CFAP54: variants seen among roughly 807,000 people sequenced by gnomAD.
CFAP54 encodes the protein cilia and flagella associated protein 54, also known as cilia- and flagella-associated protein 54.
A neutral mutation model predicts 370.4 loss-of-function variants in CFAP54; 290 were observed. That is an observed-to-expected ratio of 0.78 (90% confidence interval 0.71 to 0.86). CFAP54 has a LOEUF of 0.86. CFAP54 is among the 40% of genes least tolerant of loss of function. The probability of loss-of-function intolerance (pLI) is 0.00; values close to 1 mark genes in which losing one functional copy is unlikely to be tolerated. For missense variants in CFAP54, 3,399 were observed against 3,528.7 expected (o/e 0.96, Z 0.93); for synonymous variants, 1,206 against 1,236.5 (o/e 0.98, Z 0.52).
intron 63 of CFAP54, among the ~76,000 whole-genome samples, chr12:96,804,269 G>C (rs1199360073): frequency 2.0e-5 from 3 of 152,124 alleles, no homozygotes; most frequent in Non-Finnish European, 2.9e-5. Context: ...ATTTAAGATA[G>C]TACTGGAATT....
intron 19 of CFAP54, among the ~76,000 whole-genome samples, chr12:96,571,930 T>C (rs1473188595): frequency 1.3e-5 from 2 of 152,370 alleles, no homozygotes; most frequent in East Asian, 3.9e-4. Context: ...AATCAAGGGC[T>C]TTGTTATAAA....
intron 15 of CFAP54, among the ~76,000 whole-genome samples, chr12:96,552,535 C>T (rs774839408): frequency 1.3e-5 from 2 of 151,916 alleles, no homozygotes; most frequent in Admixed American, 1.3e-4. Context: ...GGTAGGGACA[C>T]GGTTTCACGG....
rs1957476923 is a variant in CFAP54 at position 96,700,172 on chromosome 12, A to T, written c.6474+79A>T. 5.6e-6 allele frequency: 8 copies of T among 1,426,206 alleles called. No homozygotes were observed. In the Admixed American group the frequency reaches 9.1e-5, roughly 16 times the overall value. 88.3% of individuals were successfully genotyped at this position (1,426,206 alleles called of 1,614,324 possible). ...CTAAAATGTAAGGAACATTCCCACG[A>T]AAGTGTATTTACAATCTCTGGTATT... On this transcript the variant is annotated intron_variant, in intron 46 of 67. Coordinates refer to ENST00000524981, the MANE Select transcript of CFAP54 (RefSeq NM_001306084.2).
rs1958256730 is a variant in CFAP54, at chr12:96,756,337, A to ACATACAAAAG, written c.7841-121_7841-120insCATACAAAAG. Reference sequence around the variant, plus strand: ...CATTGGCTTACCTTCTGGAAGAAATAGACAGACATACAAAAGGACAGCACA... The same window carrying ACATACAAAAG: ...CATTGGCTTACCTTCTGGAAGAAATACATACAAAAGGACAGACATACAAAAGGACAGCACA... On this transcript the variant is annotated intron_variant, in intron 56 of 67. Coordinates refer to ENST00000524981, the MANE Select transcript of CFAP54 (RefSeq NM_001306084.2). 3 of 605,192 alleles carry ACATACAAAAG rather than the reference A, an allele frequency of 5.0e-6. No homozygotes were observed. The South Asian group carries it at 6.8e-5, about 14-fold the overall frequency. The allele number at this position is 605,192 out of a possible 1,614,324, so 37.5% of individuals were successfully genotyped here.
chr12:96,516,312 G>A (rs1004597867), intron 5 of CFAP54, among the ~76,000 whole-genome samples: 1 of 137,802 alleles, frequency 7.3e-6, no homozygotes, highest in Non-Finnish European at 1.5e-5. Flanking sequence ...TGAGACCAGG[G>A]GCAGTGTCAC....
intron 65 of CFAP54, 36 bp downstream of exon 65, chr12:96,817,949 A>G: frequency 7.3e-7 from 1 of 1,370,966 alleles, no homozygotes; most frequent in Non-Finnish European, 9.6e-7. Flanking sequence ...ACATTGCTAT[A>G]GATTATCTTT....
intron 11 of CFAP54, 147 bp from the exon 12 acceptor site, chr12:96,535,368 G>A: frequency 1.6e-6 from 1 of 609,318 alleles, no homozygotes; most frequent in African/African-American, 1.9e-5. Flanking sequence ...TTTTCATATA[G>A]AAGTATTTAA....
intron 50 of CFAP54, among the ~76,000 whole-genome samples, chr12:96,726,521 A>C (rs1012622988): frequency 7.9e-5 from 12 of 152,118 alleles, no homozygotes; most frequent in Admixed American, 2.0e-4. Flanking sequence ...CGGTGGTGAT[A>C]ACCCCTTTAT....
rs539399749 is a variant in CFAP54, at chr12:96,770,474, G to A, written c.8281+5256G>A. Among the ~76,000 whole-genome samples, 8 of 152,318 alleles carry A rather than the reference G, an allele frequency of 5.3e-5. 1 individual carries two copies. The highest frequency in any genetic ancestry group is 6.8e-3 in the Middle Eastern group (2 of 294). On this transcript the variant is annotated intron_variant, in intron 60 of 67. Coordinates refer to ENST00000524981, the MANE Select transcript of CFAP54 (RefSeq NM_001306084.2). ...AGACAGAGTCAACAATGTAAAATAA[G>A]AAACAACAGATGGTTCATGTGAGAG...
rs532024588 is a variant in CFAP54 at position 96,681,811 on chromosome 12, C to T, written c.5716+2059C>T. Among the ~76,000 whole-genome samples, 5 of 152,202 alleles carry T rather than the reference C, an allele frequency of 3.3e-5. No homozygotes were observed. The East Asian group carries it at 9.7e-4, about 29-fold the overall frequency. The stretch of plus-strand genomic sequence containing the variant: ...ACGAGGTTTCACCATGTTGGCCAGG[C>T]TGATCTCAAACTCCTGACCTCAGGT... On this transcript the variant is annotated intron_variant, in intron 40 of 67. Transcript: ENST00000524981.
chr12:96,664,029 A>C, intron 39 of CFAP54, 97 bp downstream of exon 39: 1 of 926,704 alleles, frequency 1.1e-6, no homozygotes, highest in Non-Finnish European at 1.7e-6. Context: ...TATGTTTGTA[A>C]AAATGTATTT....
Position 96,811,324 on chromosome 12 carries a change from A to C in CFAP54, c.8851-412A>C, listed in dbSNP as rs77683939. ...TGTGTGGATTGGATAAATGGAGAGAAGAGGAAGGCAACAGCATAAGTGAAC... is the reference window on the plus strand; with the variant it reads ...TGTGTGGATTGGATAAATGGAGAGACGAGGAAGGCAACAGCATAAGTGAAC... On this transcript the variant is annotated intron_variant, in intron 63 of 67. Coordinates refer to ENST00000524981, the MANE Select transcript of CFAP54 (RefSeq NM_001306084.2). 3.7e-3 allele frequency among the ~76,000 whole-genome samples: 564 copies of C among 152,302 alleles called. 3 individuals are homozygous for C. Among genetic ancestry groups the C allele is most frequent in the African/African-American group, 0.013 (542 of 41,546 alleles).
intron 40 of CFAP54, chr12:96,682,472 CT>C (rs894123960): frequency 1.8e-4 from 40 of 218,958 alleles, no homozygotes; most frequent in African/African-American, 7.7e-4. Flanking sequence ...ACCTTCTGGG[CT>C]CAATCCATCC....
chr12:96,843,757 C>T (rs573044669), intron 66 of CFAP54, among the ~76,000 whole-genome samples: 2 of 152,256 alleles, frequency 1.3e-5, no homozygotes, highest in African/African-American at 4.8e-5. Flanking sequence ...TTACATGTGT[C>T]GAGTTACAGT....
chr12:96,828,355 TG>T (rs1959151933), intron 65 of CFAP54, among the ~76,000 whole-genome samples: 1 of 151,960 alleles, frequency 6.6e-6, no homozygotes, highest in African/African-American at 2.4e-5. Flanking sequence ...GAGCCAAGAC[TG>T]TGCTCAGTCC....
rs1955272209 is a variant in CFAP54 at position 96,518,990 on chromosome 12, C to G, written c.861C>G (p.Leu287=). Residue 287 remains leucine, a synonymous_variant, in exon 6 of 68, where the codon CTC becomes CTG. Transcript: ENST00000524981. ...CMESLVPLLS[L]RYLTWRATLY... ...AGTCCTTGGTCCCGCTCCTGTCACTCAGGTACTTGACATGGCGCGCTACTC... is the reference window on the plus strand; with the variant it reads ...AGTCCTTGGTCCCGCTCCTGTCACTGAGGTACTTGACATGGCGCGCTACTC... 6.5e-7 allele frequency: 1 copy of G among 1,535,894 alleles called. No individual in the cohort carries two copies. Among genetic ancestry groups the G allele is most frequent in the South Asian group, 1.2e-5 (1 of 84,052 alleles).
chr12:96,580,166 C>CTT (rs200953008), intron 20 of CFAP54, among the ~76,000 whole-genome samples: 7 of 149,956 alleles, frequency 4.7e-5, no homozygotes, highest in African/African-American at 1.7e-4. Flanking sequence ...GAGTGTTAAT[C>CTT]TTTTTTTTTA....
chr12:96,816,978 C>T (rs1012211428), intron 64 of CFAP54, among the ~76,000 whole-genome samples: 12 of 152,206 alleles, frequency 7.9e-5, no homozygotes, highest in African/African-American at 2.9e-4. Context: ...ACCCTCTTCA[C>T]TCCCATTCCC....
At chr12:96,843,142 C>G (rs926662337) in intron 66 of CFAP54, among the ~76,000 whole-genome samples, 4 of 152,196 alleles carry the variant, frequency 2.6e-5, no homozygotes, top group African/African-American at 9.6e-5. Context: ...AAAATGCAGA[C>G]TTTAGTTCAT....
Sources: allele counts gnomAD v4.1 joint callset (sites outside exome capture counted in the v4.1 genomes callset), GRCh38; gene constraint gnomAD v4.1.1; transcripts MANE v1.5; gene names NCBI Gene and HGNC (gene_info 2026-07-23, HGNC 2026-07-21).